Variants in KDM4C observed in about 807,000 individuals in gnomAD.
The protein encoded by KDM4C is lysine-specific demethylase 4C.
A neutral mutation model predicts 129.3 loss-of-function variants in KDM4C; 81 were observed. The ratio of observed to expected loss-of-function variants is 0.63; its 90% CI spans 0.52 to 0.75. The LOEUF (loss-of-function observed/expected upper bound fraction) is 0.75, where lower values mean the gene tolerates loss of function less well. Ranked by LOEUF, KDM4C falls within the 30% of genes least tolerant of loss-of-function variation. KDM4C has a pLI of 0.00. For missense variants in KDM4C, 1,457 were observed against 1,304.0 expected (o/e 1.12, Z -1.81); for synonymous variants, 573 against 456.1 (o/e 1.26, Z -3.26).
chr9:6,930,074 T>C (rs1199869010), intron 8 of KDM4C, among the ~76,000 whole-genome samples: 1 of 152,200 alleles, frequency 6.6e-6, no homozygotes, highest in East Asian at 1.9e-4. Context: ...GGTTTTAGTT[T>C]GGCAGAGGAG....
chr9:6,910,876 G>C (rs1187671506), intron 8 of KDM4C, among the ~76,000 whole-genome samples: 1 of 152,206 alleles, frequency 6.6e-6, no homozygotes, highest in Non-Finnish European at 1.5e-5. Flanking sequence ...ATGCTAATTA[G>C]CATTAAAAAT....
chr9:6,773,031 A>T (rs752463595), intron 1 of KDM4C, among the ~76,000 whole-genome samples: 8 of 142,742 alleles, frequency 5.6e-5, no homozygotes, highest in Non-Finnish European at 7.6e-5. Context: ...ACAAGGTCTC[A>T]CTCTGTCACT....
chr9:6,852,021 A>G (rs763274947), intron 5 of KDM4C, among the ~76,000 whole-genome samples: 3 of 152,226 alleles, frequency 2.0e-5, no homozygotes, highest in Non-Finnish European at 4.4e-5. Context: ...GTTTATAATG[A>G]TAAAATAATA....
chr9:6,746,505 G>C (rs1256731390), intron 1 of KDM4C, among the ~76,000 whole-genome samples: 5 of 148,690 alleles, frequency 3.4e-5, no homozygotes, highest in African/African-American at 1.2e-4. Flanking sequence ...CTGACCTCAG[G>C]TGATCCGCCC....
At chr9:7,104,188 A>G in intron 18 of KDM4C, 1 of 278,258 alleles carries the variant, frequency 3.6e-6, no homozygotes, top group South Asian at 5.8e-5. Flanking sequence ...TTGGTTGTAC[A>G]CATTGTGCAC....
At chr9:6,940,510 A>G (rs545903268) in intron 8 of KDM4C, among the ~76,000 whole-genome samples, 1 of 152,358 alleles carries the variant, frequency 6.6e-6, no homozygotes, top group Non-Finnish European at 1.5e-5. Context: ...TCTATATGCT[A>G]AAGGATTAAT....
chr9:6,778,166 T>G (rs987373531), intron 1 of KDM4C, among the ~76,000 whole-genome samples: 1 of 151,648 alleles, frequency 6.6e-6, no homozygotes, highest in Non-Finnish European at 1.5e-5. Flanking sequence ...CTCGTCTTAC[T>G]GCAACCTCTG....
intron 8 of KDM4C, among the ~76,000 whole-genome samples, chr9:6,936,140 A>T (rs1330001184): frequency 6.6e-6 from 1 of 152,202 alleles, no homozygotes; most frequent in African/African-American, 2.4e-5. Context: ...TTCAAATCCT[A>T]GAGAGAAGGG....
chr9:6,831,054 C>T (rs1035722609), intron 4 of KDM4C, among the ~76,000 whole-genome samples: 8 of 152,212 alleles, frequency 5.3e-5, no homozygotes, highest in African/African-American at 1.9e-4. Flanking sequence ...TTAAGTGGTA[C>T]TCACTTTTCC....
At chr9:6,756,186 T>A (rs1203769296), upstream of KDM4C, among the ~76,000 whole-genome samples, 1 of 152,216 alleles carries the variant, frequency 6.6e-6, no homozygotes, top group Non-Finnish European at 1.5e-5. Context: ...TGCTTCAGTT[T>A]CCACATCTGT....
intron 17 of KDM4C, among the ~76,000 whole-genome samples, chr9:7,055,432 G>C (rs1830739703): frequency 6.6e-6 from 1 of 152,202 alleles, no homozygotes; most frequent in Non-Finnish European, 1.5e-5. Context: ...TGTTCTCTGA[G>C]TGAAGAACAT....
At chr9:6,874,444 C>T (rs1843266134) in intron 5 of KDM4C, among the ~76,000 whole-genome samples, 1 of 152,148 alleles carries the variant, frequency 6.6e-6, no homozygotes, top group African/African-American at 2.4e-5. Context: ...CAGCTATTGT[C>T]TGACAGTGAC....
chr9:6,999,034 C>G (rs899237255), intron 12 of KDM4C, among the ~76,000 whole-genome samples: 2 of 152,146 alleles, frequency 1.3e-5, no homozygotes, highest in African/African-American at 4.8e-5. Context: ...ACTACACAAG[C>G]TGGCTCTCAG....
At chr9:6,742,364 C>G (rs528901080) in intron 1 of KDM4C, among the ~76,000 whole-genome samples, 4 of 152,196 alleles carry the variant, frequency 2.6e-5, no homozygotes, top group African/African-American at 9.6e-5. Flanking sequence ...TGATTGCAAT[C>G]TATCTCAATT....
intron 21 of KDM4C, chr9:7,170,704 A>G (rs751895161): frequency 4.4e-5 from 43 of 978,586 alleles, no homozygotes; most frequent in Middle Eastern, 5.2e-4. Context: ...GACTAAAATG[A>G]AATTTTTTTT....
intron 19 of KDM4C, among the ~76,000 whole-genome samples, chr9:7,149,432 G>A (rs914454797): frequency 6.6e-6 from 1 of 152,246 alleles, no homozygotes; most frequent in African/African-American, 2.4e-5. Flanking sequence ...CAGAGCCACG[G>A]CTGGGCAGCT....
intron 8 of KDM4C, among the ~76,000 whole-genome samples, chr9:6,925,894 GT>G (rs1563824261): frequency 1.3e-5 from 2 of 152,098 alleles, no homozygotes; most frequent in South Asian, 4.1e-4. Flanking sequence ...AAAAAATTCT[GT>G]TTTTTATCTT....
chr9:6,843,749 A>G (rs59220719), intron 4 of KDM4C, among the ~76,000 whole-genome samples: 17,422 of 152,182 alleles, frequency 0.11, 1,111 homozygotes, highest in East Asian at 0.26. Flanking sequence ...TCTTCATTCC[A>G]TTTTACTGTT....
intron 4 of KDM4C, among the ~76,000 whole-genome samples, chr9:6,821,348 G>A (rs1832998446): frequency 6.6e-6 from 1 of 152,152 alleles, no homozygotes; most frequent in African/African-American, 2.4e-5. Flanking sequence ...CAGTGTAAAA[G>A]CGTTCCTATT....
Sources: allele counts gnomAD v4.1 joint callset (sites outside exome capture counted in the v4.1 genomes callset), GRCh38; gene constraint gnomAD v4.1.1; transcripts MANE v1.5; gene names NCBI Gene and HGNC (gene_info 2026-07-23, HGNC 2026-07-21).